Variants in ASIC2 observed in about 807,000 individuals in gnomAD.
The protein encoded by ASIC2 is acid sensing ion channel subunit 2.
In ASIC2, 25 loss-of-function variants were observed where a neutral mutation model predicts 57.3. That is an observed-to-expected ratio of 0.44 (90% confidence interval 0.32 to 0.61). The LOEUF (loss-of-function observed/expected upper bound fraction) is 0.61, where lower values mean the gene tolerates loss of function less well. Among genes scored for constraint, ASIC2 ranks in the 20% least tolerant of loss-of-function variants. The pLI is 0.06. For missense variants in ASIC2, 641 were observed against 738.1 expected, an observed-to-expected ratio of 0.87 and a Z score of 1.52; for synonymous variants, 319 against 307.5, an observed-to-expected ratio of 1.04 and a Z score of -0.39.
At chr17:33,493,563 G>C (rs898672190) in intron 1 of ASIC2, among the ~76,000 whole-genome samples, 2 of 152,032 alleles carry the variant, frequency 1.3e-5, no homozygotes, top group African/African-American at 4.8e-5. Context: ...GTCAGTCAAG[G>C]TTCTCTTACT....
intron 1 of ASIC2, among the ~76,000 whole-genome samples, chr17:33,366,569 A>G (rs1454092269): frequency 6.6e-6 from 1 of 152,186 alleles, no homozygotes; most frequent in Admixed American, 6.5e-5. Flanking sequence ...ATCTAGATCA[A>G]GGATCCTTTC....
At chr17:33,352,173 T>C (rs1004607797) in intron 1 of ASIC2, among the ~76,000 whole-genome samples, 2 of 152,084 alleles carry the variant, frequency 1.3e-5, no homozygotes, top group Non-Finnish European at 2.9e-5. Context: ...AATCTCCAAC[T>C]TCTTCCATCT....
intron 1 of ASIC2, among the ~76,000 whole-genome samples, chr17:33,768,346 T>TA (rs1910996900): frequency 6.6e-6 from 1 of 152,186 alleles, no homozygotes; most frequent in African/African-American, 2.4e-5. Flanking sequence ...CATTTAAATT[T>TA]AAAATGCAGT....
chr17:33,055,897 C>T (rs1030445831), intron 3 of ASIC2, among the ~76,000 whole-genome samples: 9 of 152,158 alleles, frequency 5.9e-5, no homozygotes, highest in Admixed American at 5.2e-4. Context: ...GGTTGTCAAC[C>T]GCACTCTGCG....
chr17:33,759,553 A>G (rs537487593), intron 1 of ASIC2, among the ~76,000 whole-genome samples: 2 of 152,324 alleles, frequency 1.3e-5, no homozygotes, highest in Non-Finnish European at 2.9e-5. Context: ...ACAATGGAAG[A>G]AAGACCCTGA....
At chr17:34,022,746 G>A (rs1907225762) in intron 1 of ASIC2, among the ~76,000 whole-genome samples, 1 of 151,902 alleles carries the variant, frequency 6.6e-6, no homozygotes, top group South Asian at 2.1e-4. Flanking sequence ...ATAAGCCATA[G>A]CAACCCTTGT....
chr17:33,036,344 A>G (rs985334440), intron 3 of ASIC2, among the ~76,000 whole-genome samples: 3 of 152,072 alleles, frequency 2.0e-5, no homozygotes, highest in Non-Finnish European at 4.4e-5. Context: ...CTTGCTAGTG[A>G]CCCAGTGCCA....
At chr17:33,498,712 G>A (rs112915153) in intron 1 of ASIC2, among the ~76,000 whole-genome samples, 10 of 152,342 alleles carry the variant, frequency 6.6e-5, no homozygotes, top group African/African-American at 2.2e-4. Flanking sequence ...CTCACAGGCC[G>A]TGGAAGTTCA....
At chr17:33,243,554 GA>G (rs11427988) in intron 1 of ASIC2, among the ~76,000 whole-genome samples, 7 of 151,886 alleles carry the variant, frequency 4.6e-5, no homozygotes, top group East Asian at 3.9e-4. Flanking sequence ...TAGACAGAAG[GA>G]AAAAAAATCC....
At chr17:33,090,339 G>A (rs1344396923) in intron 2 of ASIC2, among the ~76,000 whole-genome samples, 1 of 152,198 alleles carries the variant, frequency 6.6e-6, no homozygotes, top group Non-Finnish European at 1.5e-5. Flanking sequence ...GTTTCCTCCA[G>A]CAGGCTGGAG....
rs116810298 is a variant in ASIC2, at chr17:33,474,684, T to C, written c.556-362617A>G. 5.7e-3 allele frequency among the ~76,000 whole-genome samples: 861 copies of C among 152,316 alleles called. 8 individuals carry two copies. The highest frequency in any genetic ancestry group is 0.02 in the African/African-American group (820 of 41,572). ...ACATTTTTGGGTGCTCCCTGTTGTC[T>C]GGCCTGACCAGAAGCTCAAGGGCAA... is the stretch of plus-strand genomic sequence containing the variant. On this transcript the variant is annotated intron_variant, in intron 1 of 9. Coordinates refer to the ASIC2 transcript ENST00000359872.
chr17:33,837,750 C>G (rs574465017), intron 1 of ASIC2, among the ~76,000 whole-genome samples: 1 of 152,182 alleles, frequency 6.6e-6, no homozygotes, highest in African/African-American at 2.4e-5. Context: ...CCTTTAGTGA[C>G]TCACCCTGTT....
intron 1 of ASIC2, among the ~76,000 whole-genome samples, chr17:34,094,289 C>T (rs1598020906): frequency 6.6e-6 from 1 of 152,152 alleles, no homozygotes; most frequent in Non-Finnish European, 1.5e-5. Context: ...TTTAGCCTTA[C>T]GTGATAACAG....
At chr17:33,415,205 C>T (rs998100607) in intron 1 of ASIC2, among the ~76,000 whole-genome samples, 5 of 151,906 alleles carry the variant, frequency 3.3e-5, no homozygotes, top group East Asian at 1.9e-4. Flanking sequence ...CTAGAGTCAT[C>T]GCTTGGAATC....
intron 1 of ASIC2, among the ~76,000 whole-genome samples, chr17:33,642,694 C>T (rs1378414677): frequency 4.6e-5 from 7 of 152,134 alleles, no homozygotes; most frequent in Non-Finnish European, 2.9e-5. Context: ...AGGCTCTGAG[C>T]CTTGCAAGTA....
rs1465226557 is a variant in ASIC2, at chr17:33,555,678, C to T, written c.556-443611G>A. 2.6e-5 allele frequency among the ~76,000 whole-genome samples: 4 copies of T among 152,136 alleles called. No individual in the cohort carries two copies. The East Asian group carries it at 7.7e-4, about 29-fold the overall frequency. On this transcript the variant is annotated intron_variant, in intron 1 of 9. Coordinates refer to the ASIC2 transcript ENST00000359872. Reference sequence around the variant, plus strand: ...AAGGATGGAGCTTATGCTCAGGTTACCATGGAGTAGAAATTGGACCTCAGG... The same window carrying T: ...AAGGATGGAGCTTATGCTCAGGTTATCATGGAGTAGAAATTGGACCTCAGG...
chr17:33,291,367 T>A, intron 1 of ASIC2, 41 bp downstream of exon 1: 1 of 1,551,906 alleles, frequency 6.4e-7, no homozygotes, highest in Non-Finnish European at 8.7e-7. Flanking sequence ...TGCCGGGGAG[T>A]GGGGCGCAGA....
chr17:33,090,257 C>T (rs1398760345), intron 2 of ASIC2, among the ~76,000 whole-genome samples: 1 of 152,228 alleles, frequency 6.6e-6, no homozygotes, highest in Non-Finnish European at 1.5e-5. Flanking sequence ...AACTCTTTCT[C>T]TTGCTCTGTT....
At position 33,151,201 on chromosome 17, in the gene ASIC2, G is replaced by A. The variant is rs200951989; in HGVS notation, c.709-39134C>T. Among the ~76,000 whole-genome samples the A allele has an allele frequency of 1.0e-3, 135 of 132,344 alleles. 1 individual carries two copies. Among genetic ancestry groups the A allele is most frequent in the African/African-American group, 3.1e-3 (108 of 34,592 alleles). 86.8% of individuals were successfully genotyped at this position (132,344 alleles called of 152,430 possible). ...CACACGCACACACACACACACACAC[G>A]CGCGCACACACACACACACACAATT... On this transcript the variant is annotated intron_variant, in intron 1 of 9. Coordinates refer to ENST00000225823, the MANE Select transcript of ASIC2 (RefSeq NM_183377.2).
Sources: allele counts gnomAD v4.1 joint callset (sites outside exome capture counted in the v4.1 genomes callset), GRCh38; gene constraint gnomAD v4.1.1; transcripts MANE v1.5; gene names NCBI Gene and HGNC (gene_info 2026-07-23, HGNC 2026-07-21).